The following ZNF713 variants were observed in gnomAD, a reference collection of about 807,000 sequenced individuals.
ZNF713 encodes zinc finger protein 713.
ZNF713 carries 21 observed loss-of-function variants against 28.7 expected under a neutral mutation model. That is an observed-to-expected ratio of 0.73 (90% CI 0.52 to 1.05). The LOEUF (loss-of-function observed/expected upper bound fraction) is 1.05, where lower values mean the gene tolerates loss of function less well. Ranked by LOEUF, ZNF713 falls within the 50% of genes least tolerant of loss-of-function variation. The probability of loss-of-function intolerance (pLI) is 0.00; values close to 1 mark genes in which losing one functional copy is unlikely to be tolerated. For missense variants in ZNF713, 458 were observed against 532.4 expected, an observed-to-expected ratio of 0.86 and a Z score of 1.37; for synonymous variants, 167 against 178.0, an observed-to-expected ratio of 0.94 and a Z score of 0.49.
intron 1 of ZNF713, among the ~76,000 whole-genome samples, chr7:55,890,958 G>A (rs1452454717): frequency 4.7e-5 from 7 of 150,094 alleles, no homozygotes; most frequent in Non-Finnish European, 8.9e-5. Context: ...ATTGTGCCAC[G>A]GCACTCTAGC....
intron 1 of ZNF713, among the ~76,000 whole-genome samples, chr7:55,888,322 A>C (rs1785317381): frequency 6.6e-6 from 1 of 152,096 alleles, no homozygotes; most frequent in Admixed American, 6.5e-5. Context: ...TTTTCCACGG[A>C]ATTGCAGTGA....
intron 1 of ZNF713, among the ~76,000 whole-genome samples, chr7:55,904,495 A>C (rs79612537): frequency 0.029 from 4,199 of 143,436 alleles, 237 homozygotes; most frequent in African/African-American, 0.11. Context: ...AAAAGTAATG[A>C]GGTCCATTGC....
At chr7:55,928,813 C>T (rs770971695) in intron 6 of ZNF713, among the ~76,000 whole-genome samples, 4 of 152,110 alleles carry the variant, frequency 2.6e-5, no homozygotes, top group Non-Finnish European at 5.9e-5. Flanking sequence ...AATGTCCCTA[C>T]TATACATGTA....
At chr7:55,934,250 A>G (rs1326309916) in intron 6 of ZNF713, among the ~76,000 whole-genome samples, 2 of 152,174 alleles carry the variant, frequency 1.3e-5, no homozygotes, top group Non-Finnish European at 2.9e-5. Flanking sequence ...CCAGAAAAAA[A>G]TATATATGTA....
At chr7:55,932,500 A>C (rs13237835) in intron 6 of ZNF713, among the ~76,000 whole-genome samples, 2 of 147,626 alleles carry the variant, frequency 1.4e-5, no homozygotes, top group Non-Finnish European at 1.5e-5. Flanking sequence ...ACTCCAGCCT[A>C]GGTGACAAAG....
At chr7:55,931,334 T>C (rs1251310933) in intron 6 of ZNF713, among the ~76,000 whole-genome samples, 1 of 152,158 alleles carries the variant, frequency 6.6e-6, no homozygotes, top group African/African-American at 2.4e-5. Context: ...TTTATCGTTA[T>C]CACTGTGTCT....
At chr7:55,922,117 G>A (rs978122440) in intron 4 of ZNF713, among the ~76,000 whole-genome samples, 39 of 151,984 alleles carry the variant, frequency 2.6e-4, no homozygotes, top group African/African-American at 9.7e-5. Context: ...AGTAGAGACG[G>A]GGTTTCACCA....
intron 1 of ZNF713, among the ~76,000 whole-genome samples, chr7:55,895,688 G>A (rs1212312567): frequency 2.0e-5 from 3 of 151,764 alleles, no homozygotes; most frequent in East Asian, 1.9e-4. Context: ...GGCTGGTCTC[G>A]AACTCCCGAC....
chr7:55,921,558 T>C (rs919535819), intron 4 of ZNF713, among the ~76,000 whole-genome samples: 4 of 152,178 alleles, frequency 2.6e-5, no homozygotes, highest in African/African-American at 9.7e-5. Context: ...CATGAATGAC[T>C]GAGGCTTTCA....
In ZNF713 at chr7:55,940,389, G is replaced by C. The variant is rs1226723925; in HGVS notation, c.*383G>C. ...TCCGCCCACCTCGGCCTCCCAAAGT[G>C]CTGGGATTACAGGCGTGGGCCACTG... On this transcript the variant is annotated 3_prime_UTR_variant, in exon 7 of 7. Transcript: ENST00000429591. 1 of 966,876 alleles carries C rather than the reference G, an allele frequency of 1.0e-6. No homozygotes were observed. Among genetic ancestry groups the C allele is most frequent in the Admixed American group, 5.7e-5 (1 of 17,474 alleles). The allele number at this position is 966,876 out of a possible 1,614,324, so 59.9% of individuals were successfully genotyped here.
At chr7:55,896,921 A>G (rs1785483591) in intron 1 of ZNF713, among the ~76,000 whole-genome samples, 1 of 152,168 alleles carries the variant, frequency 6.6e-6, no homozygotes, top group Admixed American at 6.6e-5. Context: ...GGTTGAAATA[A>G]CACAGGAGTC....
intron 1 of ZNF713, among the ~76,000 whole-genome samples, chr7:55,904,463 TAAAAAAA>T (rs71015118): frequency 4.1e-4 from 17 of 41,292 alleles, no homozygotes; most frequent in Admixed American, 8.5e-4. Context: ...ACTGTATCTT[TAAAAAAA>T]AAAAAAAAAA....
chr7:55,923,547 G>A (rs769074860), intron 5 of ZNF713, 60 bp from the exon 6 acceptor site: 7 of 1,421,958 alleles, frequency 4.9e-6, no homozygotes, highest in Admixed American at 2.0e-5. Flanking sequence ...GGTTGGGAGT[G>A]TGTCTGAGAA....
chr7:55,927,536 A>G (rs1490382468), intron 6 of ZNF713, among the ~76,000 whole-genome samples: 1 of 151,804 alleles, frequency 6.6e-6, no homozygotes, highest in Non-Finnish European at 1.5e-5. Flanking sequence ...AAAGCAAAAG[A>G]ATTGTTCTAA....
At chr7:55,934,530 T>C (rs950290554) in intron 6 of ZNF713, among the ~76,000 whole-genome samples, 2 of 152,140 alleles carry the variant, frequency 1.3e-5, no homozygotes, top group African/African-American at 4.8e-5. Context: ...TAGAGCCTTA[T>C]GTGTGTTTGG....
At position 55,910,702 on chromosome 7, in the gene ZNF713, C is replaced by T. The variant is rs368548664; in HGVS notation, c.-455-914C>T. 3.9e-5 allele frequency among the ~76,000 whole-genome samples: 6 copies of T among 152,062 alleles called. No homozygotes were observed. The East Asian group carries it at 9.7e-4, about 24-fold the overall frequency. On this transcript the variant is annotated intron_variant, in intron 2 of 6. Transcript: ENST00000429591. ...GTAGAGACAGGGCCTCATCATGTTG[C>T]CCTAGCTGGTCTCAAACTCCTGGCC... is the stretch of plus-strand genomic sequence containing the variant.
intron 1 of ZNF713, among the ~76,000 whole-genome samples, chr7:55,902,426 A>C (rs1339733529): frequency 1.3e-5 from 2 of 152,220 alleles, no homozygotes; most frequent in African/African-American, 4.8e-5. Flanking sequence ...CTGCATTGTC[A>C]TGCTGTTATA....
chr7:55,910,338 T>C (rs1393050969), intron 2 of ZNF713, among the ~76,000 whole-genome samples: 1 of 152,152 alleles, frequency 6.6e-6, no homozygotes, highest in Admixed American at 6.6e-5. Flanking sequence ...TGTTGAATAG[T>C]AGTGGTGAGA....
At chr7:55,895,881 CTGGAAAGG>C (rs1336795502) in intron 1 of ZNF713, among the ~76,000 whole-genome samples, 1 of 152,064 alleles carries the variant, frequency 6.6e-6, no homozygotes, top group Non-Finnish European at 1.5e-5. Context: ...AAGTGGAAGC[CTGGAAAGG>C]TTGAGTCATT....
Sources: gnomAD v4.1 joint callset for allele counts (sites outside exome capture counted in the v4.1 genomes callset) on GRCh38, gnomAD v4.1.1 for gene constraint, MANE v1.5 for transcripts, NCBI Gene and HGNC (gene_info 2026-07-23, HGNC 2026-07-21) for gene names.